Variants in GLT1D1 observed in about 807,000 individuals in gnomAD.
The protein encoded by GLT1D1 is glycosyltransferase 1 domain-containing protein 1.
GLT1D1 carries 21 observed loss-of-function variants against 28.7 expected under a neutral mutation model. The observed-to-expected ratio is 0.73, with a 90% confidence interval of 0.52 to 1.05. The LOEUF is 1.05. Among genes scored for constraint, GLT1D1 ranks in the 50% least tolerant of loss-of-function variants. The pLI is 0.00. For missense variants in GLT1D1, 343 were observed against 330.6 expected (o/e 1.04, Z -0.29); for synonymous variants, 147 against 124.8 (o/e 1.18, Z -1.19).
At chr12:128,929,444 C>T (rs1373139053) in intron 4 of GLT1D1, among the ~76,000 whole-genome samples, 1 of 152,176 alleles carries the variant, frequency 6.6e-6, no homozygotes, top group Non-Finnish European at 1.5e-5. Context: ...CAGGGGTGTT[C>T]TGTTTCCGGT....
chr12:128,925,528 T>A (rs1873117141), intron 4 of GLT1D1, among the ~76,000 whole-genome samples: 1 of 152,268 alleles, frequency 6.6e-6, no homozygotes, highest in Non-Finnish European at 1.5e-5. Flanking sequence ...TTCCTTTTTA[T>A]GGCTGCATAG....
chr12:128,944,834 C>T (rs936192791), intron 4 of GLT1D1: 11 of 260,416 alleles, frequency 4.2e-5, no homozygotes, highest in Non-Finnish European at 7.3e-5. Context: ...TTCTGGGGTA[C>T]ATGTGCACAA....
chr12:128,959,855 C>T (rs1479216303), intron 7 of GLT1D1, among the ~76,000 whole-genome samples: 3 of 138,336 alleles, frequency 2.2e-5, no homozygotes, highest in African/African-American at 1.1e-4. Context: ...TCCCAAAAGG[C>T]AACGTCTATT....
intron 4 of GLT1D1, among the ~76,000 whole-genome samples, chr12:128,908,905 C>A (rs796944139): frequency 1.3e-5 from 2 of 152,026 alleles, no homozygotes; most frequent in Non-Finnish European, 2.9e-5. Flanking sequence ...GCCGAGATCG[C>A]GCCCCTGCAC....
chr12:128,953,763 C>T (rs1242463073), intron 6 of GLT1D1, among the ~76,000 whole-genome samples: 2 of 147,800 alleles, frequency 1.4e-5, no homozygotes, highest in African/African-American at 2.5e-5. Flanking sequence ...TTTTTGTCTC[C>T]GAAACAGAGT....
intron 4 of GLT1D1, among the ~76,000 whole-genome samples, chr12:128,938,717 G>A (rs1218120417): frequency 2.0e-5 from 3 of 152,124 alleles, no homozygotes; most frequent in East Asian, 1.9e-4. Context: ...CTTCACTCCC[G>A]GCTCATCAGG....
At chr12:128,874,080 CTTT>C (rs1388754653) in intron 1 of GLT1D1, among the ~76,000 whole-genome samples, 2 of 10,928 alleles carry the variant, frequency 1.8e-4, no homozygotes, top group African/African-American at 7.6e-4. Flanking sequence ...TTCTTTCTTT[CTTT>C]CTTTCTTTCT....
At chr12:128,968,896 G>C (rs1446736801) in intron 7 of GLT1D1, among the ~76,000 whole-genome samples, 1 of 152,052 alleles carries the variant, frequency 6.6e-6, no homozygotes, top group Non-Finnish European at 1.5e-5. Flanking sequence ...GAGCACAAAT[G>C]GCCCTGCTCT....
chr12:128,968,401 T>A (rs1878696867), intron 7 of GLT1D1, among the ~76,000 whole-genome samples: 1 of 151,318 alleles, frequency 6.6e-6, no homozygotes, highest in Admixed American at 6.6e-5. Context: ...CTGGGCACAG[T>A]GGCTCACGCC....
At chr12:128,889,536 C>T (rs907968717) in intron 3 of GLT1D1, among the ~76,000 whole-genome samples, 2 of 152,150 alleles carry the variant, frequency 1.3e-5, no homozygotes, top group Non-Finnish European at 2.9e-5. Flanking sequence ...AGTATGTCTC[C>T]CTATAATTCT....
chr12:128,940,599 G>A (rs981553744), intron 4 of GLT1D1, among the ~76,000 whole-genome samples: 1 of 152,166 alleles, frequency 6.6e-6, no homozygotes, highest in Non-Finnish European at 1.5e-5. Flanking sequence ...TTTGAGGAGC[G>A]ATAAGTTTGA....
At chr12:128,908,157 C>A (rs1305026350) in intron 4 of GLT1D1, among the ~76,000 whole-genome samples, 1 of 152,114 alleles carries the variant, frequency 6.6e-6, no homozygotes, top group Non-Finnish European at 1.5e-5. Context: ...TCTCAGCTCA[C>A]TGCAGCCTCC....
intron 4 of GLT1D1, among the ~76,000 whole-genome samples, chr12:128,907,467 A>G (rs1327812705): frequency 6.6e-6 from 1 of 151,780 alleles, no homozygotes; most frequent in Admixed American, 6.6e-5. Flanking sequence ...CACCACACCC[A>G]GCTAATTTTT....
intron 4 of GLT1D1, among the ~76,000 whole-genome samples, chr12:128,914,374 G>A (rs980968637): frequency 6.6e-6 from 1 of 152,110 alleles, no homozygotes; most frequent in African/African-American, 2.4e-5. Context: ...GGCCTGTCAT[G>A]GATCCTGGGG....
At chr12:128,900,535 G>A (rs1382697274) in intron 4 of GLT1D1, among the ~76,000 whole-genome samples, 1 of 151,054 alleles carries the variant, frequency 6.6e-6, no homozygotes, top group Non-Finnish European at 1.5e-5. Flanking sequence ...CCCAGGCAGA[G>A]CATGGAGGTT....
intron 4 of GLT1D1, among the ~76,000 whole-genome samples, chr12:128,936,830 C>A (rs12579097): frequency 0.065 from 9,905 of 152,186 alleles, 410 homozygotes; most frequent in East Asian, 0.13. Context: ...GATGCTTTTG[C>A]CCTTTAAAAT....
intron 2 of GLT1D1, among the ~76,000 whole-genome samples, chr12:128,887,044 C>T (rs148038926): frequency 9.3e-4 from 141 of 151,130 alleles, no homozygotes; most frequent in African/African-American, 3.0e-3. Flanking sequence ...CGGAGTCTCG[C>T]TCTATCACCC....
intron 7 of GLT1D1, among the ~76,000 whole-genome samples, chr12:128,968,629 C>T (rs959554312): frequency 2.6e-5 from 4 of 152,072 alleles, no homozygotes; most frequent in Non-Finnish European, 2.9e-5. Context: ...TGTCACTGCA[C>T]TCCAGCCTGG....
At chr12:128,908,557 T>G (rs1235273111) in intron 4 of GLT1D1, among the ~76,000 whole-genome samples, 1 of 151,424 alleles carries the variant, frequency 6.6e-6, no homozygotes, top group African/African-American at 2.4e-5. Context: ...TTTTTAATTG[T>G]TCTCCTACCC....
Sources: gnomAD v4.1 joint callset for allele counts (sites outside exome capture counted in the v4.1 genomes callset) on GRCh38, gnomAD v4.1.1 for gene constraint, MANE v1.5 for transcripts, NCBI Gene and HGNC (gene_info 2026-07-23, HGNC 2026-07-21) for gene names.